USP37: variants seen among roughly 807,000 people sequenced by gnomAD.
USP37 encodes ubiquitin carboxyl-terminal hydrolase 37.
In USP37, 27 loss-of-function variants were observed where a neutral mutation model predicts 124.0. The observed-to-expected ratio is 0.22, with a 90% CI of 0.16 to 0.30. The LOEUF (loss-of-function observed/expected upper bound fraction) is 0.30, where lower values mean the gene tolerates loss of function less well. Among genes scored for constraint, USP37 ranks in the 10% least tolerant of loss-of-function variants. USP37 has a pLI of 1.00. For missense variants in USP37, 889 were observed against 1,140.4 expected, an observed-to-expected ratio of 0.78 and a Z score of 3.17; for synonymous variants, 365 against 388.0, an observed-to-expected ratio of 0.94 and a Z score of 0.70.
chr2:218,490,944 G>A (rs1691904940), intron 14 of USP37, among the ~76,000 whole-genome samples: 1 of 152,138 alleles, frequency 6.6e-6, no homozygotes. Context: ...CCCGACCACG[G>A]CTCACTACAG....
chr2:218,495,624 CA>C (rs1460124434), intron 14 of USP37, 135 bp downstream of exon 14: 2 of 956,000 alleles, frequency 2.1e-6, no homozygotes, highest in Non-Finnish European at 3.0e-6. Context: ...CCACTGCACC[CA>C]AGAGCCTAGG....
At chr2:218,549,455 T>C (rs1164125884) in intron 6 of USP37, among the ~76,000 whole-genome samples, 1 of 145,500 alleles carries the variant, frequency 6.9e-6, no homozygotes, top group East Asian at 2.1e-4. Context: ...CTTGATAGTC[T>C]ATGACTATCT....
At chr2:218,551,824 ACT>A (rs1288860786) in intron 5 of USP37, among the ~76,000 whole-genome samples, 1 of 151,192 alleles carries the variant, frequency 6.6e-6, no homozygotes, top group African/African-American at 2.4e-5. Context: ...ATGGAGTCTC[ACT>A]CTGTAGCCCA....
chr2:218,534,656 C>T lies in USP37; in HGVS notation c.731G>A (p.Arg244Lys). The stretch of plus-strand genomic sequence containing the variant: ...CTGTTTCAAACTCAGCTGCTTTTCT[C>T]TACTGCTGGTTAAATACTTTCTGGA... ...DPSRKYLTSSREKQLSLKQSE... is the reference protein window; with the variant it reads ...DPSRKYLTSSKEKQLSLKQSE... The change falls in exon 9 of 26, where the codon AGA (arginine) becomes AAA (lysine). Residue 244 changes from arginine to lysine, a missense_variant. Coordinates refer to ENST00000258399, the MANE Select transcript of USP37 (RefSeq NM_020935.3). 1 of 1,610,782 alleles carries T rather than the reference C, an allele frequency of 6.2e-7. No homozygotes were observed. The highest frequency in any genetic ancestry group is 1.3e-5 in the African/African-American group (1 of 74,962).
At chr2:218,486,424 T>A (rs1160369119) in intron 15 of USP37, 3 of 152,240 alleles carry the variant, frequency 2.0e-5, no homozygotes, top group Non-Finnish European at 4.4e-5. Context: ...TTTTTTTGTC[T>A]GTTTGTTTTG....
intron 11 of USP37, among the ~76,000 whole-genome samples, chr2:218,502,330 A>C (rs1350077785): frequency 2.0e-5 from 3 of 152,200 alleles, no homozygotes; most frequent in Non-Finnish European, 4.4e-5. Context: ...ATTTAAAATG[A>C]AAATTTCACT....
intron 10 of USP37, among the ~76,000 whole-genome samples, chr2:218,523,465 C>A (rs1690782338): frequency 6.6e-6 from 1 of 152,314 alleles, no homozygotes; most frequent in Admixed American, 6.5e-5. Flanking sequence ...AATACTTAAT[C>A]TGTTTTCTGT....
chr2:218,532,108 A>G (rs1691358293), intron 9 of USP37, among the ~76,000 whole-genome samples: 1 of 152,240 alleles, frequency 6.6e-6, no homozygotes, highest in South Asian at 2.1e-4. Context: ...ATCAAGCAGC[A>G]TCACATGCTA....
intron 10 of USP37, among the ~76,000 whole-genome samples, chr2:218,518,048 T>G (rs1690396278): frequency 6.6e-6 from 1 of 152,018 alleles, no homozygotes; most frequent in Admixed American, 6.6e-5. Flanking sequence ...TTTGACCTCC[T>G]GGGCTTGAGC....
rs1693153584 is a variant in USP37 at position 218,558,594 on chromosome 2, T to C, written c.60A>G (p.Thr20=). ...TTTCAAAGGATCCTTCTTTCCACTT[T>C]GTAATCCCAGTCTGCATACTTCGAA... ...IRIRSMQTGI[T]KWKEGSFEIV... is the part of the protein sequence containing the mutation. The change falls in exon 4 of 26, where the codon ACA becomes ACG. Residue 20 remains threonine, a synonymous_variant. Transcript: ENST00000258399. 9 of 1,613,622 alleles carry C rather than the reference T, an allele frequency of 5.6e-6. No individual in the cohort carries two copies. Among genetic ancestry groups the C allele is most frequent in the Non-Finnish European group, 7.6e-6 (9 of 1,179,816 alleles).
At position 218,504,317 on chromosome 2, in the gene USP37, T is replaced by G. The variant is rs77545773; in HGVS notation, c.1025+5662A>C. On this transcript the variant is annotated intron_variant, in intron 11 of 25. Coordinates refer to ENST00000258399, the MANE Select transcript of USP37 (RefSeq NM_020935.3). ...TTTTGAATTACTGTTCTACGTATAT[T>G]TCTAGTATGCAGCACAGAGTTCAGT... 1.4e-4 allele frequency among the ~76,000 whole-genome samples: 21 copies of G among 152,336 alleles called. No homozygotes were observed. In the East Asian group the frequency reaches 3.9e-3, roughly 28 times the overall value.
At chr2:218,495,404 A>G (rs1037066107) in intron 14 of USP37, among the ~76,000 whole-genome samples, 1 of 152,212 alleles carries the variant, frequency 6.6e-6, no homozygotes, top group African/African-American at 2.4e-5. Flanking sequence ...ATCCTCCCAA[A>G]TTGTTGGGAT....
chr2:218,549,198 A>G (rs910182602), intron 6 of USP37, among the ~76,000 whole-genome samples: 4 of 152,206 alleles, frequency 2.6e-5, no homozygotes, highest in Admixed American at 2.0e-4. Flanking sequence ...TTAAATATAC[A>G]CAACTTACTG....
chr2:218,498,330 G>C, intron 11 of USP37, 173 bp from the exon 12 acceptor site: 1 of 532,542 alleles, frequency 1.9e-6, no homozygotes, highest in Non-Finnish European at 2.9e-6. Context: ...ACACAAATGT[G>C]TCCAAAAAAA....
chr2:218,483,588 A>G (rs1335236868), intron 16 of USP37, among the ~76,000 whole-genome samples: 1 of 150,530 alleles, frequency 6.6e-6, no homozygotes, highest in Non-Finnish European at 1.5e-5. Context: ...CAAGTGATCT[A>G]CCAGGAAAAA....
chr2:218,531,753 T>C (rs1691339333), intron 9 of USP37, among the ~76,000 whole-genome samples: 1 of 152,226 alleles, frequency 6.6e-6, no homozygotes, highest in African/African-American at 2.4e-5. Context: ...GTTTGGAAGT[T>C]GATTCCAACC....
chr2:218,474,486 C>T (rs1224975697), intron 20 of USP37, 144 bp downstream of exon 20: 7 of 1,228,826 alleles, frequency 5.7e-6, no homozygotes, highest in African/African-American at 1.5e-5. Flanking sequence ...CTCAGCCTCC[C>T]GAGTAGCTGG....
intron 4 of USP37, among the ~76,000 whole-genome samples, chr2:218,558,120 T>C (rs994454946): frequency 2.0e-5 from 3 of 151,960 alleles, no homozygotes; most frequent in Non-Finnish European, 4.4e-5. Context: ...AAGACACTAA[T>C]AAATTCTGTT....
At chr2:218,522,859 C>T (rs1029509183) in intron 10 of USP37, among the ~76,000 whole-genome samples, 5 of 152,048 alleles carry the variant, frequency 3.3e-5, no homozygotes, top group African/African-American at 4.8e-5. Flanking sequence ...GTTTCAGGGC[C>T]GGATGCGGCA....
Sources: gnomAD v4.1 joint callset for allele counts (sites outside exome capture counted in the v4.1 genomes callset) on GRCh38, gnomAD v4.1.1 for gene constraint, MANE v1.5 for transcripts, NCBI Gene and HGNC (gene_info 2026-07-23, HGNC 2026-07-21) for gene names.